The following KCNQ3 variants were observed in gnomAD, a reference collection of about 807,000 sequenced individuals.
KCNQ3 encodes potassium voltage-gated channel subfamily Q member 3, also known as potassium voltage-gated channel subfamily KQT member 3.
In KCNQ3, 30 loss-of-function variants were observed where a neutral mutation model predicts 92.5. That is an observed-to-expected ratio of 0.32 (90% CI 0.24 to 0.44). KCNQ3 has a LOEUF of 0.44. Ranked by LOEUF, KCNQ3 falls within the 20% of genes least tolerant of loss-of-function variation. The pLI, the probability that KCNQ3 is intolerant of heterozygous loss-of-function variation, is 1.00. For missense variants in KCNQ3, 913 were observed against 1,140.3 expected (o/e 0.80, Z 2.87); for synonymous variants, 450 against 468.8 (o/e 0.96, Z 0.52).
intron 1 of KCNQ3, among the ~76,000 whole-genome samples, chr8:132,269,828 G>C (rs1026661631): frequency 3.3e-5 from 5 of 152,214 alleles, no homozygotes; most frequent in East Asian, 1.9e-4. Context: ...ATGACAACCA[G>C]ACTTTGTTCA....
chr8:132,293,388 T>A (rs1196814591), intron 1 of KCNQ3, among the ~76,000 whole-genome samples: 1 of 152,070 alleles, frequency 6.6e-6, no homozygotes, highest in Non-Finnish European at 1.5e-5. Flanking sequence ...GTAGATGGTG[T>A]CAGAATTGAT....
intron 1 of KCNQ3, among the ~76,000 whole-genome samples, chr8:132,369,313 C>A (rs1246968774): frequency 6.6e-6 from 1 of 152,088 alleles, no homozygotes; most frequent in Non-Finnish European, 1.5e-5. Context: ...TCACAACGTG[C>A]AGCTCATACT....
At chr8:132,195,009 G>A (rs747227288) in intron 1 of KCNQ3, among the ~76,000 whole-genome samples, 16 of 152,060 alleles carry the variant, frequency 1.1e-4, no homozygotes, top group Non-Finnish European at 2.1e-4. Flanking sequence ...ATTACAACCC[G>A]TCCACTTCTG....
chr8:132,369,266 C>T (rs7835039), intron 1 of KCNQ3, among the ~76,000 whole-genome samples: 6,191 of 152,184 alleles, frequency 0.041, 373 homozygotes, highest in African/African-American at 0.14. Flanking sequence ...CGACTTTTAT[C>T]ATTCCTTCTT....
intron 1 of KCNQ3, among the ~76,000 whole-genome samples, chr8:132,236,117 G>A (rs918196860): frequency 6.6e-6 from 1 of 152,210 alleles, no homozygotes; most frequent in Non-Finnish European, 1.5e-5. Flanking sequence ...CAGTGGGACT[G>A]GGTAAAACTA....
intron 13 of KCNQ3, 104 bp downstream of exon 13, chr8:132,134,186 G>A (rs1392537011): frequency 3.6e-6 from 3 of 839,158 alleles, no homozygotes; most frequent in Non-Finnish European, 6.3e-6. Context: ...ACTTAGGAGA[G>A]TGACAACTTC....
chr8:132,359,098 T>C (rs757816809), intron 1 of KCNQ3, among the ~76,000 whole-genome samples: 4 of 152,206 alleles, frequency 2.6e-5, no homozygotes, highest in Non-Finnish European at 4.4e-5. Flanking sequence ...CATTTCCTTA[T>C]CTGTCTATTG....
At chr8:132,329,505 A>G (rs1418725394) in intron 1 of KCNQ3, among the ~76,000 whole-genome samples, 1 of 151,954 alleles carries the variant, frequency 6.6e-6, no homozygotes, top group Admixed American at 6.5e-5. Flanking sequence ...ATTGCCATCA[A>G]AGGCGACACA....
Position 132,200,135 on chromosome 8 carries a change from C to A in KCNQ3, c.387-13954G>T, listed in dbSNP as rs1350632477. Among the ~76,000 whole-genome samples, 5 of 152,196 alleles carry A rather than the reference C, an allele frequency of 3.3e-5. No individual in the cohort carries two copies. The East Asian group carries it at 9.7e-4, about 29-fold the overall frequency. On this transcript the variant is annotated intron_variant, in intron 1 of 14. Coordinates refer to ENST00000388996, the MANE Select transcript of KCNQ3 (RefSeq NM_004519.4). Reference sequence around the variant, plus strand: ...AAATCATACCTATAAATAACACAGACAAATCTATATCTATTTCTAGATCCA... The same window carrying A: ...AAATCATACCTATAAATAACACAGAAAAATCTATATCTATTTCTAGATCCA...
intron 1 of KCNQ3, among the ~76,000 whole-genome samples, chr8:132,189,378 C>G (rs753430268): frequency 6.6e-6 from 1 of 152,196 alleles, no homozygotes; most frequent in Non-Finnish European, 1.5e-5. Context: ...TTGCGCACAT[C>G]ATGTGCTAAA....
chr8:132,432,178 T>C (rs1821269703), intron 1 of KCNQ3, among the ~76,000 whole-genome samples: 1 of 152,150 alleles, frequency 6.6e-6, no homozygotes, highest in Admixed American at 6.5e-5. Flanking sequence ...CTTGTCATCA[T>C]ATCAGCAGCA....
Position 132,315,693 on chromosome 8 carries a change from G to C in KCNQ3, c.387-129512C>G, listed in dbSNP as rs945784459. ...CCAGTTTCTGTTTGTTTTTCCTTCT[G>C]CAAGGGCAATCCACATTCTTTATTT... On this transcript the variant is annotated intron_variant, in intron 1 of 14. Coordinates refer to ENST00000388996, the MANE Select transcript of KCNQ3 (RefSeq NM_004519.4). Among the ~76,000 whole-genome samples the C allele has an allele frequency of 3.3e-5, 5 of 152,036 alleles. No homozygotes were observed. In the South Asian group the frequency reaches 8.3e-4, roughly 25 times the overall value.
intron 1 of KCNQ3, among the ~76,000 whole-genome samples, chr8:132,443,243 C>T (rs563799833): frequency 6.6e-6 from 1 of 152,146 alleles, no homozygotes; most frequent in Non-Finnish European, 1.5e-5. Flanking sequence ...AATCACACCC[C>T]TCCCCATCCC....
chr8:132,155,622 C>T (rs1228780831), intron 9 of KCNQ3, among the ~76,000 whole-genome samples: 2 of 152,126 alleles, frequency 1.3e-5, no homozygotes, highest in African/African-American at 4.8e-5. Context: ...AATCACATAG[C>T]CAACATTATT....
At chr8:132,418,767 C>T (rs1207365460) in intron 1 of KCNQ3, among the ~76,000 whole-genome samples, 1 of 152,022 alleles carries the variant, frequency 6.6e-6, no homozygotes, top group African/African-American at 2.4e-5. Flanking sequence ...GTTTGGGCAA[C>T]AGAATGAGAC....
intron 1 of KCNQ3, among the ~76,000 whole-genome samples, chr8:132,258,180 A>G (rs1044671442): frequency 3.3e-5 from 5 of 152,218 alleles, no homozygotes; most frequent in Admixed American, 3.3e-4. Flanking sequence ...ACAACTATAG[A>G]ACAATCCACC....
intron 1 of KCNQ3, among the ~76,000 whole-genome samples, chr8:132,209,927 T>C (rs2130294586): frequency 6.6e-6 from 1 of 152,322 alleles, no homozygotes; most frequent in African/African-American, 2.4e-5. Context: ...TGTATATACA[T>C]GTGTGTGTGT....
chr8:132,290,255 G>A (rs1473639131), intron 1 of KCNQ3, among the ~76,000 whole-genome samples: 1 of 152,164 alleles, frequency 6.6e-6, no homozygotes, highest in Admixed American at 6.6e-5. Context: ...TATTCCTTGA[G>A]GTCTAGCCAA....
At chr8:132,456,423 A>C (rs1182114849) in intron 1 of KCNQ3, among the ~76,000 whole-genome samples, 1 of 151,782 alleles carries the variant, frequency 6.6e-6, no homozygotes, top group Non-Finnish European at 1.5e-5. Context: ...TCATACAGTG[A>C]CACTAATTAA....
Sources: allele counts gnomAD v4.1 joint callset (sites outside exome capture counted in the v4.1 genomes callset), GRCh38; gene constraint gnomAD v4.1.1; transcripts MANE v1.5; gene names NCBI Gene and HGNC (gene_info 2026-07-23, HGNC 2026-07-21).